Variants in UGT2B17 observed in about 807,000 individuals in gnomAD.
UGT2B17 encodes the protein UDP-glucuronosyltransferase 2B17.
UGT2B17 carries 21 observed loss-of-function variants against 48.2 expected under a neutral mutation model. That is an observed-to-expected ratio of 0.44 (90% CI 0.31 to 0.63). The LOEUF is 0.63. Among genes scored for constraint, UGT2B17 ranks in the 20% least tolerant of loss-of-function variants. The probability of loss-of-function intolerance (pLI) is 0.08; values close to 1 mark genes in which losing one functional copy is unlikely to be tolerated. For synonymous variants in UGT2B17, 146 were observed against 238.4 expected, an observed-to-expected ratio of 0.61 and a Z score of 3.57; for missense variants, 402 against 696.1, an observed-to-expected ratio of 0.58 and a Z score of 4.75.
rs1353815864 is a variant in UGT2B17 at position 68,575,187 on chromosome 4, C to T, written c.-65+764G>A. Among the ~76,000 whole-genome samples the T allele has an allele frequency of 5.6e-5, 6 of 107,834 alleles. 1 individual carries two copies. Among genetic ancestry groups the T allele is most frequent in the South Asian group, 4.3e-4 (1 of 2,338 alleles). The allele number at this position is 107,834 out of a possible 152,430, so 70.7% of individuals were successfully genotyped here. A position where few individuals can be genotyped will look rare whatever the true frequency, so the allele number is the denominator to read the frequency against. On this transcript the variant is annotated intron_variant, in intron 1 of 6. Coordinates refer to ENST00000317746, the MANE Select transcript of UGT2B17 (RefSeq NM_001077.4). Reference sequence around the variant, plus strand: ...ATTTACTTAGAATTGGTATAGATGGCCTTTTTTTTTTTTTTCTCTGCTGGT... The same window carrying T: ...ATTTACTTAGAATTGGTATAGATGGTCTTTTTTTTTTTTTTCTCTGCTGGT...
At position 68,543,570 on chromosome 4, in the gene UGT2B17, A is replaced by G. The variant is rs1730728382; in HGVS notation, c.1314-5666T>C. Among the ~76,000 whole-genome samples, 2 of 126,238 alleles carry G rather than the reference A, an allele frequency of 1.6e-5. 1 individual carries two copies. Among genetic ancestry groups the G allele is most frequent in the Non-Finnish European group, 3.4e-5 (2 of 59,576 alleles). 82.8% of individuals were successfully genotyped at this position (126,238 alleles called of 152,430 possible). A position where few individuals can be genotyped will look rare whatever the true frequency, so the allele number is the denominator to read the frequency against. ...TGCAGCTCCTCACCAGCAATGGAAC[A>G]AAGCTGGATGGAGAATGACTTTGAC... On this transcript the variant is annotated intron_variant, in intron 6 of 6. Transcript: ENST00000317746.
At chr4:68,549,581 A>T (rs1730879822) in intron 6 of UGT2B17, among the ~76,000 whole-genome samples, 1 of 125,668 alleles carries the variant, frequency 8.0e-6, no homozygotes, top group Non-Finnish European at 1.7e-5. Flanking sequence ...AAGGAAATGC[A>T]AATGAAAACC....
Position 68,560,938 on chromosome 4 carries a change from A to G in UGT2B17, c.874-270T>C, listed in dbSNP as rs1339323131. The stretch of plus-strand genomic sequence containing the variant: ...AACAAAGCTATGACACTGCAGTAGG[A>G]GGAGATAATGCTAGAAAATATTACA... On this transcript the variant is annotated intron_variant, in intron 3 of 6. Coordinates refer to ENST00000317746, the MANE Select transcript of UGT2B17 (RefSeq NM_001077.4). 4.0e-5 allele frequency among the ~76,000 whole-genome samples: 5 copies of G among 125,346 alleles called. 2 individuals are homozygous for G. The highest frequency in any genetic ancestry group is 6.7e-5 in the Non-Finnish European group (4 of 59,380). The allele number at this position is 125,346 out of a possible 152,430, so 82.2% of individuals were successfully genotyped here. A position where few individuals can be genotyped will look rare whatever the true frequency, so the allele number is the denominator to read the frequency against.
At position 68,569,450 on chromosome 4, in the gene UGT2B17, AG is replaced by A. The variant is rs568945430; in HGVS notation, c.-64-903del. The stretch of plus-strand genomic sequence containing the variant: ...AAAATATAGGGGTAGAGGAAGTAGC[AG>A]AAAGGTACTGGGAGCTCTCTGGATA... On this transcript the variant is annotated intron_variant, in intron 1 of 6. Transcript: ENST00000317746. 6.4e-5 allele frequency among the ~76,000 whole-genome samples: 8 copies of A among 125,936 alleles called. 2 individuals carry two copies. Among genetic ancestry groups the A allele is most frequent in the African/African-American group, 2.2e-4 (8 of 36,700 alleles). 82.6% of individuals were successfully genotyped at this position (125,936 alleles called of 152,430 possible). A position where few individuals can be genotyped will look rare whatever the true frequency, so the allele number is the denominator to read the frequency against.
intron 6 of UGT2B17, among the ~76,000 whole-genome samples, chr4:68,549,215 ACT>A (rs1359564931): frequency 8.1e-6 from 1 of 123,476 alleles, no homozygotes; most frequent in Non-Finnish European, 1.7e-5. Context: ...GGATTAATAG[ACT>A]CTGAATTGAT....
chr4:68,545,766 C>G (rs1730790603), intron 6 of UGT2B17, among the ~76,000 whole-genome samples: 1 of 125,640 alleles, frequency 8.0e-6, no homozygotes, highest in Admixed American at 8.2e-5. Flanking sequence ...CAGAGAAATA[C>G]AAACTACCAT....
chr4:68,547,834 A>T (rs1730845190), intron 6 of UGT2B17, among the ~76,000 whole-genome samples: 1 of 127,010 alleles, frequency 7.9e-6, no homozygotes, highest in Non-Finnish European at 1.7e-5. Flanking sequence ...AATGCTCATC[A>T]TCGCTGGCCA....
chr4:68,565,192 A>T (rs1197002764), intron 3 of UGT2B17, among the ~76,000 whole-genome samples: 1 of 125,624 alleles, frequency 8.0e-6, no homozygotes, highest in Non-Finnish European at 1.7e-5. Flanking sequence ...CTATCTTTCA[A>T]AGTACAATGT....
intron 3 of UGT2B17, among the ~76,000 whole-genome samples, chr4:68,561,587 G>A (rs1731104198): frequency 8.1e-6 from 1 of 122,896 alleles, no homozygotes; most frequent in Non-Finnish European, 1.7e-5. Flanking sequence ...AACCACAGTG[G>A]GAGAGGTCAC....
chr4:68,544,853 C>T (rs1730764018), intron 6 of UGT2B17, among the ~76,000 whole-genome samples: 1 of 126,008 alleles, frequency 7.9e-6, no homozygotes, highest in African/African-American at 2.7e-5. Context: ...AAGGCCATTA[C>T]ATAATGGTAA....
intron 6 of UGT2B17, among the ~76,000 whole-genome samples, chr4:68,546,030 T>C (rs1263242516): frequency 7.9e-6 from 1 of 126,078 alleles, no homozygotes; most frequent in Non-Finnish European, 1.7e-5. Context: ...TCTGAAACTA[T>C]TCCAATCAAC....
At chr4:68,561,362 G>A (rs1436970444) in intron 3 of UGT2B17, among the ~76,000 whole-genome samples, 1 of 121,924 alleles carries the variant, frequency 8.2e-6, no homozygotes, top group Non-Finnish European at 1.7e-5. Flanking sequence ...TTGGGGCTTG[G>A]AATTTCCGGG....
chr4:68,567,855 C>G lies in UGT2B17; in HGVS notation c.630G>C (p.Glu210Asp). 7.3e-7 allele frequency: 1 copy of G among 1,376,808 alleles called. No homozygotes were observed. Among genetic ancestry groups the G allele is most frequent in the Non-Finnish European group, 9.5e-7 (1 of 1,053,940 alleles). The allele number at this position is 1,376,808 out of a possible 1,614,324, so 85.3% of individuals were successfully genotyped here. ...SELSDQMIFM[E>D]RIKNMIYMLY... is the part of the protein sequence containing the mutation. ...GCATATATATCATATTTTTTATCCT[C>G]TCCATGAAAATCATTTGATCACTTA... Residue 210 changes from glutamate to aspartate, a missense_variant, in exon 2 of 7, where the codon GAG (glutamate) becomes GAC (aspartate). Coordinates refer to ENST00000317746, the MANE Select transcript of UGT2B17 (RefSeq NM_001077.4).
At chr4:68,569,343 A>G (rs1731263592) in intron 1 of UGT2B17, among the ~76,000 whole-genome samples, 1 of 126,050 alleles carries the variant, frequency 7.9e-6, no homozygotes, top group Non-Finnish European at 1.7e-5. Flanking sequence ...ACACATCCCC[A>G]CTGGAGAAGC....
intron 2 of UGT2B17, 55 bp from the exon 3 acceptor site, chr4:68,565,775 T>C: frequency 7.7e-7 from 1 of 1,300,644 alleles, no homozygotes; most frequent in Non-Finnish European, 9.9e-7. Flanking sequence ...AATTGTTATT[T>C]TAATATTGAA....
chr4:68,541,476 C>T (rs1349687373), intron 6 of UGT2B17, among the ~76,000 whole-genome samples: 1 of 125,686 alleles, frequency 8.0e-6, no homozygotes, highest in Non-Finnish European at 1.7e-5. Flanking sequence ...TATCCTTTGC[C>T]CACTTTTTGG....
chr4:68,550,457 G>T (rs1297968630), intron 6 of UGT2B17, among the ~76,000 whole-genome samples: 2 of 123,204 alleles, frequency 1.6e-5, no homozygotes, highest in African/African-American at 2.8e-5. Context: ...TAATTTTTTT[G>T]ATTTTATAAT....
rs779647265 is a variant in UGT2B17, at chr4:68,567,829, A to T, written c.656T>A (p.Leu219His). The T allele has an allele frequency of 5.8e-6, 8 of 1,369,496 alleles. 1 individual carries two copies. Among genetic ancestry groups the T allele is most frequent in the Non-Finnish European group, 7.6e-6 (8 of 1,051,602 alleles). The allele number at this position is 1,369,496 out of a possible 1,614,324, so 84.8% of individuals were successfully genotyped here. Residue 219 changes from leucine to histidine, a missense_variant, in exon 2 of 7, where the codon CTT becomes CAT. Leu to His is a moderately conservative substitution (Grantham distance 99). Coordinates refer to ENST00000317746, the MANE Select transcript of UGT2B17 (RefSeq NM_001077.4). ...TGCTTGAAACCAAAAGTCAAAATAA[A>T]GCATATATATCATATTTTTTATCCT... ...MERIKNMIYMLYFDFWFQAYD... is the reference protein window; with the variant it reads ...MERIKNMIYMHYFDFWFQAYD...
rs1296226640 is a variant in UGT2B17, at chr4:68,547,035, C to A, written c.1313+3642G>T. 1.8e-4 allele frequency among the ~76,000 whole-genome samples: 21 copies of A among 116,150 alleles called. 3 individuals are homozygous for A. The highest frequency in any genetic ancestry group is 3.1e-4 in the Non-Finnish European group (17 of 55,724). The allele number at this position is 116,150 out of a possible 152,430, so 76.2% of individuals were successfully genotyped here. A position where few individuals can be genotyped will look rare whatever the true frequency, so the allele number is the denominator to read the frequency against. ...TTTATAGATCCAATGCCATCCCCAT[C>A]AAGCTACCAATGACTTTCTTCACAG... On this transcript the variant is annotated intron_variant, in intron 6 of 6. Transcript: ENST00000317746.
Sources: gnomAD v4.1 joint callset for allele counts (sites outside exome capture counted in the v4.1 genomes callset) on GRCh38, gnomAD v4.1.1 for gene constraint, MANE v1.5 for transcripts, NCBI Gene and HGNC (gene_info 2026-07-23, HGNC 2026-07-21) for gene names.